Variants in STK33 observed in about 807,000 individuals in gnomAD.
The protein encoded by STK33 is serine/threonine kinase 33, also known as serine/threonine-protein kinase 33.
Under a neutral mutation model 58.0 loss-of-function variants are expected in STK33, and 52 were observed. The ratio of observed to expected loss-of-function variants is 0.90; its 90% CI spans 0.72 to 1.13. The LOEUF (loss-of-function observed/expected upper bound fraction) is 1.13. Among genes scored for constraint, STK33 ranks in the 50% most tolerant of loss-of-function variants. STK33 has a pLI of 0.00. For synonymous variants in STK33, 215 were observed against 200.1 expected (o/e 1.07, Z -0.63); for missense variants, 630 against 604.2 (o/e 1.04, Z -0.45).
intron 15 of STK33, among the ~76,000 whole-genome samples, chr11:8,409,247 C>T (rs1564881575): frequency 6.6e-6 from 1 of 152,188 alleles, no homozygotes; most frequent in African/African-American, 2.4e-5. Flanking sequence ...CCAGGCTAAA[C>T]TTCAAGTATT....
chr11:8,532,348 T>A (rs1420043734), intron 1 of STK33, among the ~76,000 whole-genome samples: 1 of 152,256 alleles, frequency 6.6e-6, no homozygotes, highest in African/African-American at 2.4e-5. Flanking sequence ...GGTTTATTCA[T>A]TCACTTATTA....
the STK33 span, among the ~76,000 whole-genome samples, chr11:8,369,819 T>C: frequency 1.7e-4 from 26 of 152,342 alleles, no homozygotes; most frequent in African/African-American, 6.0e-4. Flanking sequence ...CAGCTAAGGA[T>C]TGGGGCTGGG....
Position 8,586,234 on chromosome 11 carries a change from A to C in STK33, c.-466+7849T>G, listed in dbSNP as rs999540925. Among the ~76,000 whole-genome samples the C allele has an allele frequency of 7.9e-5, 12 of 151,884 alleles. No individual in the cohort carries two copies. In the East Asian group the frequency reaches 2.3e-3, roughly 29 times the overall value. On this transcript the variant is annotated intron_variant, in intron 1 of 15. Transcript: ENST00000687296. Reference sequence around the variant, plus strand: ...CCTATCTCGGAAAAAAAAAAAAAAAAAAACACCTGACTTCAAATCCCAACC... The same window carrying C: ...CCTATCTCGGAAAAAAAAAAAAAAACAAACACCTGACTTCAAATCCCAACC...
chr11:8,423,562 T>C (rs1451980042), intron 14 of STK33, among the ~76,000 whole-genome samples: 1 of 152,092 alleles, frequency 6.6e-6, no homozygotes, highest in East Asian at 1.9e-4. Flanking sequence ...GTTTACTGGC[T>C]TTTAACTGCG....
chr11:8,353,255 T>C, the STK33 span, among the ~76,000 whole-genome samples: 1 of 152,202 alleles, frequency 6.6e-6, no homozygotes, highest in Non-Finnish European at 1.5e-5. Flanking sequence ...GCCACGAACC[T>C]GAGTTGGTGC....
intron 11 of STK33, among the ~76,000 whole-genome samples, chr11:8,444,214 C>T (rs1945119728): frequency 6.6e-6 from 1 of 152,110 alleles, no homozygotes; most frequent in Non-Finnish European, 1.5e-5. Flanking sequence ...ATTAGTATTA[C>T]AAAGAGCTAA....
intron 1 of STK33, among the ~76,000 whole-genome samples, chr11:8,567,676 T>C (rs1957540941): frequency 6.6e-6 from 1 of 152,220 alleles, no homozygotes; most frequent in South Asian, 2.1e-4. Context: ...GGGAAGTCTT[T>C]TCATTGTCCC....
At chr11:8,382,708 C>T in the STK33 span, among the ~76,000 whole-genome samples, 45 of 152,180 alleles carry the variant, frequency 3.0e-4, no homozygotes, top group Non-Finnish European at 5.4e-4. Context: ...ACCGCCACCC[C>T]AGCAGGAGCT....
chr11:8,411,300 G>A (rs1044851627), intron 15 of STK33, among the ~76,000 whole-genome samples: 1 of 152,168 alleles, frequency 6.6e-6, no homozygotes, highest in African/African-American at 2.4e-5. Flanking sequence ...ATTGCCAAGT[G>A]CCAACTATTT....
rs569860155 is a variant in STK33, at chr11:8,435,619, T to C, written c.1061-40A>G. On this transcript the variant is annotated intron_variant, in intron 13 of 15. Transcript: ENST00000687296. ...AAAATCCTGAAAAATCTTATTTAAC[T>C]ACAATTAATAGCATACATTTTACAA... The C allele has an allele frequency of 2.9e-4, 351 of 1,220,480 alleles. 8 individuals are homozygous for C. The South Asian group carries it at 5.7e-3, about 20-fold the overall frequency. The allele number at this position is 1,220,480 out of a possible 1,614,324, so 75.6% of individuals were successfully genotyped here. A position where few individuals can be genotyped will look rare whatever the true frequency, so the allele number is the denominator to read the frequency against.
At chr11:8,429,814 A>T (rs1436754817) in intron 14 of STK33, among the ~76,000 whole-genome samples, 1 of 152,174 alleles carries the variant, frequency 6.6e-6, no homozygotes, top group East Asian at 1.9e-4. Context: ...CTCCTCGTTA[A>T]GACCCTGCTT....
At chr11:8,364,113 G>T in the STK33 span, among the ~76,000 whole-genome samples, 1 of 152,134 alleles carries the variant, frequency 6.6e-6, no homozygotes, top group African/African-American at 2.4e-5. Flanking sequence ...TATCTCTGGG[G>T]CATGTTCATC....
chr11:8,439,168 T>C (rs1046219375), intron 12 of STK33, among the ~76,000 whole-genome samples: 2 of 152,218 alleles, frequency 1.3e-5, no homozygotes, highest in African/African-American at 4.8e-5. Flanking sequence ...GAACACCTCT[T>C]AGAAAATTCA....
chr11:8,592,821 G>C (rs773374929), intron 1 of STK33, among the ~76,000 whole-genome samples: 1 of 152,090 alleles, frequency 6.6e-6, no homozygotes, highest in Non-Finnish European at 1.5e-5. Context: ...GAGGAGGTTG[G>C]GGGGTAGCAT....
intron 7 of STK33, among the ~76,000 whole-genome samples, chr11:8,463,043 C>A (rs766344056): frequency 3.3e-5 from 5 of 152,106 alleles, no homozygotes; most frequent in Admixed American, 6.5e-5. Context: ...TAAAATTTTA[C>A]CTAGTGTCAT....
chr11:8,468,951 ATGC>A (rs1164639944), intron 6 of STK33, among the ~76,000 whole-genome samples: 2 of 152,202 alleles, frequency 1.3e-5, no homozygotes, highest in Non-Finnish European at 2.9e-5. Flanking sequence ...AAATTTTAAA[ATGC>A]TGCATTGCAA....
chr11:8,577,891 C>G (rs767953977), intron 1 of STK33, among the ~76,000 whole-genome samples: 1 of 152,070 alleles, frequency 6.6e-6, no homozygotes, highest in Non-Finnish European at 1.5e-5. Flanking sequence ...TGGTAACTTT[C>G]CTGAGCAAGA....
intron 1 of STK33, among the ~76,000 whole-genome samples, chr11:8,534,674 G>T (rs1954853123): frequency 6.7e-6 from 1 of 149,428 alleles, no homozygotes; most frequent in South Asian, 2.2e-4. Context: ...TAAAAAAATG[G>T]CTAGATTCAA....
intron 1 of STK33, among the ~76,000 whole-genome samples, chr11:8,545,724 G>C (rs1475268302): frequency 6.6e-6 from 1 of 152,120 alleles, no homozygotes; most frequent in Non-Finnish European, 1.5e-5. Flanking sequence ...GGTATGCCTA[G>C]AAATAACTTC....
Sources: gnomAD v4.1 joint callset for allele counts (sites outside exome capture counted in the v4.1 genomes callset) on GRCh38, gnomAD v4.1.1 for gene constraint, MANE v1.5 for transcripts, NCBI Gene and HGNC (gene_info 2026-07-23, HGNC 2026-07-21) for gene names.